The following SAMM50 variants were observed in gnomAD, a reference collection of about 807,000 sequenced individuals.
SAMM50 encodes the protein sorting and assembly machinery component 50 homolog.
SAMM50 carries 47 observed loss-of-function variants against 66.9 expected under a neutral mutation model. The ratio of observed to expected loss-of-function variants is 0.70; its 90% CI spans 0.56 to 0.90. The LOEUF is 0.90. SAMM50 is among the 40% of genes least tolerant of loss of function. The probability of loss-of-function intolerance (pLI) is 0.00; values close to 1 mark genes in which losing one functional copy is unlikely to be tolerated. For synonymous variants in SAMM50, 191 were observed against 214.1 expected (o/e 0.89, Z 0.94); for missense variants, 535 against 595.3 (o/e 0.90, Z 1.05).
chr22:43,979,096 T>G (rs2050249288), intron 10 of SAMM50, among the ~76,000 whole-genome samples: 1 of 152,210 alleles, frequency 6.6e-6, no homozygotes, highest in African/African-American at 2.4e-5. Context: ...TTTTCTTGAC[T>G]CATCATTGCT....
At chr22:43,974,264 C>G (rs1333458091) in intron 7 of SAMM50, among the ~76,000 whole-genome samples, 2 of 152,122 alleles carry the variant, frequency 1.3e-5, no homozygotes, top group African/African-American at 2.4e-5. Flanking sequence ...AGTGTGCTCT[C>G]CCTCCAAGAA....
rs3177036 is a variant in SAMM50, at chr22:43,972,324, A to C, written c.411A>C (p.Gly137=). 2.5e-6 allele frequency: 4 copies of C among 1,593,380 alleles called. No homozygotes were observed. Among genetic ancestry groups the C allele is most frequent in the Non-Finnish European group, 3.4e-6 (4 of 1,171,010 alleles). ...CGGGCAGTTATAACACCATGGTTGGAAACAATGAAGGCAGTATGGTATGCT... is the reference window on the plus strand; with the variant it reads ...CGGGCAGTTATAACACCATGGTTGGCAACAATGAAGGCAGTATGGTATGCT... ...RLTGSYNTMV[G]NNEGSMVLGL... is the part of the protein sequence containing the mutation. Residue 137 remains glycine, a synonymous_variant, in exon 5 of 15, where the codon GGA becomes GGC. Transcript: ENST00000350028.
At chr22:43,960,810 C>T (rs1026476138) in intron 1 of SAMM50, among the ~76,000 whole-genome samples, 3 of 152,122 alleles carry the variant, frequency 2.0e-5, no homozygotes, top group African/African-American at 7.2e-5. Flanking sequence ...AGAGAGGAAC[C>T]GATTCTCCCT....
chr22:43,970,313 G>T (rs1569027828), intron 4 of SAMM50, among the ~76,000 whole-genome samples: 1 of 152,092 alleles, frequency 6.6e-6, no homozygotes, highest in Non-Finnish European at 1.5e-5. Flanking sequence ...CCTTGGGCTG[G>T]TGTGGTGCTT....
intron 1 of SAMM50, 38 bp downstream of exon 1, chr22:43,955,636 G>C: frequency 6.4e-7 from 1 of 1,562,058 alleles, no homozygotes; most frequent in Non-Finnish European, 8.7e-7. Context: ...CGAGGCCTCT[G>C]GGCCAGCAGG....
At chr22:43,962,772 T>A (rs1026215086) in intron 1 of SAMM50, among the ~76,000 whole-genome samples, 3 of 152,174 alleles carry the variant, frequency 2.0e-5, no homozygotes, top group Non-Finnish European at 2.9e-5. Context: ...CATTTTATTT[T>A]TAAATGATTT....
At chr22:43,982,648 T>C (rs777499301) in intron 11 of SAMM50, among the ~76,000 whole-genome samples, 1 of 152,214 alleles carries the variant, frequency 6.6e-6, no homozygotes, top group Non-Finnish European at 1.5e-5. Context: ...TTTATGTATG[T>C]TTTTTGAGAC....
chr22:43,980,625 G>A (rs747777427), intron 10 of SAMM50, among the ~76,000 whole-genome samples: 20 of 152,100 alleles, frequency 1.3e-4, no homozygotes, highest in South Asian at 4.1e-4. Context: ...AGCAGAGTCC[G>A]GACACCTGGC....
intron 1 of SAMM50, among the ~76,000 whole-genome samples, chr22:43,959,318 CTGT>C (rs1350653014): frequency 1.3e-5 from 2 of 151,844 alleles, no homozygotes; most frequent in Admixed American, 6.6e-5. Flanking sequence ...TGTGCCCAGC[CTGT>C]TGTTATATTT....
rs1299724569 is a variant in SAMM50, at chr22:43,968,240, AAAAAAAAGAAAAAAG to A, written c.235-476_235-462del. Among the ~76,000 whole-genome samples the A allele has an allele frequency of 5.4e-4, 78 of 144,560 alleles. 1 individual carries two copies. The highest frequency in any genetic ancestry group is 2.0e-3 in the African/African-American group (72 of 35,278). 94.8% of individuals were successfully genotyped at this position (144,560 alleles called of 152,430 possible). On this transcript the variant is annotated intron_variant, in intron 3 of 14. Coordinates refer to ENST00000350028, the MANE Select transcript of SAMM50 (RefSeq NM_015380.5). ...AAACTCTGTCTCAAAAAAAAAAAAA[AAAAAAAAGAAAAAAG>A]AAAAAAAGAAAAAAAAAGAAAGTAA...
At chr22:43,972,793 T>TA (rs1188410565) in intron 5 of SAMM50, 78 bp from the exon 6 acceptor site, 1 of 1,321,616 alleles carries the variant, frequency 7.6e-7, no homozygotes, top group Non-Finnish European at 1.1e-6. Context: ...GTCCCTTAGC[T>TA]AGCATAGTCT....
chr22:43,984,085 A>G, intron 12 of SAMM50, 85 bp downstream of exon 12: 2 of 1,130,546 alleles, frequency 1.8e-6, no homozygotes, highest in Non-Finnish European at 2.5e-6. Flanking sequence ...GCTTACAGCG[A>G]TAATAGACAT....
At chr22:43,992,963 G>A (rs1284994336) in intron 14 of SAMM50, among the ~76,000 whole-genome samples, 1 of 152,240 alleles carries the variant, frequency 6.6e-6, no homozygotes, top group African/African-American at 2.4e-5. Flanking sequence ...GAGCGAGACT[G>A]CATCAGATAA....
intron 3 of SAMM50, among the ~76,000 whole-genome samples, chr22:43,967,173 A>G (rs1324994540): frequency 1.3e-5 from 2 of 152,150 alleles, no homozygotes; most frequent in Non-Finnish European, 2.9e-5. Context: ...TCCACATCCC[A>G]GGTTTCAGTT....
At chr22:43,974,048 G>A (rs964765456) in intron 7 of SAMM50, among the ~76,000 whole-genome samples, 5 of 150,428 alleles carry the variant, frequency 3.3e-5, no homozygotes, top group South Asian at 2.1e-4. Flanking sequence ...CCTTCCTTTC[G>A]CCACTGTTCC....
rs906958086 is a variant in SAMM50, at chr22:43,985,939, GT to G, written c.1075+1950del. 3.8e-3 allele frequency among the ~76,000 whole-genome samples: 529 copies of G among 139,212 alleles called. 8 individuals carry two copies. The highest frequency in any genetic ancestry group is 0.012 in the African/African-American group (457 of 37,968). The allele number at this position is 139,212 out of a possible 152,430, so 91.3% of individuals were successfully genotyped here. ...CCCAAGCTTTGGACATTGAGTTTGT[GT>G]TTTTTTTTTTCTTTTATGATTATAA... On this transcript the variant is annotated intron_variant, in intron 12 of 14. Transcript: ENST00000350028.
chr22:43,964,405 C>G (rs2050162557), intron 2 of SAMM50, 47 bp from the exon 3 acceptor site: 1 of 937,210 alleles, frequency 1.1e-6, no homozygotes, highest in Non-Finnish European at 1.7e-6. Flanking sequence ...GACACCTAAT[C>G]TGTTTGCCTC....
chr22:43,956,434 G>T (rs1380580438), intron 1 of SAMM50, among the ~76,000 whole-genome samples: 1 of 152,154 alleles, frequency 6.6e-6, no homozygotes, highest in Non-Finnish European at 1.5e-5. Flanking sequence ...GCCTGACATC[G>T]ATAATTGGAC....
At chr22:43,984,865 C>T (rs368361318) in intron 12 of SAMM50, among the ~76,000 whole-genome samples, 9 of 152,098 alleles carry the variant, frequency 5.9e-5, no homozygotes, top group East Asian at 1.9e-4. Flanking sequence ...CTCCTGACCT[C>T]GTGATCCACC....
Sources: allele counts gnomAD v4.1 joint callset (sites outside exome capture counted in the v4.1 genomes callset), GRCh38; gene constraint gnomAD v4.1.1; transcripts MANE v1.5; gene names NCBI Gene and HGNC (gene_info 2026-07-23, HGNC 2026-07-21).